Variants in EIF2AK2 observed in about 807,000 individuals in gnomAD.
The protein encoded by EIF2AK2 is interferon-induced, double-stranded RNA-activated protein kinase.
A neutral mutation model predicts 70.5 loss-of-function variants in EIF2AK2; 40 were observed. The observed-to-expected ratio is 0.57, with a 90% CI of 0.44 to 0.74. EIF2AK2 has a LOEUF of 0.74. EIF2AK2 is among the 30% of genes least tolerant of loss of function. The probability of loss-of-function intolerance (pLI) is 0.00; values close to 1 mark genes in which losing one functional copy is unlikely to be tolerated. For missense variants in EIF2AK2, 555 were observed against 644.3 expected (o/e 0.86, Z 1.50); for synonymous variants, 198 against 220.9 (o/e 0.90, Z 0.92).
intron 8 of EIF2AK2, among the ~76,000 whole-genome samples, chr2:37,137,444 T>C (rs924850523): frequency 2.0e-5 from 3 of 152,186 alleles, no homozygotes; most frequent in African/African-American, 7.2e-5. Flanking sequence ...CATTGCCTGC[T>C]TATGTGCACA....
chr2:37,133,815 T>C (rs1388438932), intron 10 of EIF2AK2, among the ~76,000 whole-genome samples: 1 of 152,214 alleles, frequency 6.6e-6, no homozygotes, highest in Non-Finnish European at 1.5e-5. Context: ...TCATTATACA[T>C]CCTGATCAGC....
intron 13 of EIF2AK2, among the ~76,000 whole-genome samples, chr2:37,117,171 C>G (rs1049524851): frequency 2.7e-5 from 4 of 150,202 alleles, no homozygotes; most frequent in Admixed American, 6.6e-5. Flanking sequence ...CGAGATCACT[C>G]CACTGCACTC....
intron 15 of EIF2AK2, among the ~76,000 whole-genome samples, chr2:37,108,245 G>A (rs143083806): frequency 6.6e-6 from 1 of 151,266 alleles, no homozygotes; most frequent in African/African-American, 2.4e-5. Context: ...CCTCAAGTTA[G>A]CCCAACCTAT....
chr2:37,113,281 A>G (rs1324764732), intron 14 of EIF2AK2, among the ~76,000 whole-genome samples: 1 of 152,092 alleles, frequency 6.6e-6, no homozygotes, highest in Admixed American at 6.6e-5. Flanking sequence ...GGATTACCTG[A>G]GGTCAGGAGT....
intron 3 of EIF2AK2, among the ~76,000 whole-genome samples, 169 bp downstream of exon 3, chr2:37,147,519 G>T (rs1239932248): frequency 7.4e-6 from 1 of 135,608 alleles, no homozygotes; most frequent in Non-Finnish European, 1.5e-5. Context: ...GTGTCCATGT[G>T]TTCTCATTGC....
At chr2:37,128,525 A>G (rs1674824035) in intron 10 of EIF2AK2, among the ~76,000 whole-genome samples, 1 of 152,230 alleles carries the variant, frequency 6.6e-6, no homozygotes, top group South Asian at 2.1e-4. Flanking sequence ...TCCAAGAGAC[A>G]TGATCAATCG....
chr2:37,120,946 AG>A (rs1674523153), intron 12 of EIF2AK2, among the ~76,000 whole-genome samples: 1 of 142,374 alleles, frequency 7.0e-6, no homozygotes, highest in Non-Finnish European at 1.5e-5. Context: ...CATGAGCGAT[AG>A]AGTAAGACTC....
chr2:37,115,232 T>TG (rs1413015638), intron 13 of EIF2AK2: 2 of 201,840 alleles, frequency 9.9e-6, no homozygotes, highest in African/African-American at 2.8e-5. Context: ...TTTTTTTTTT[T>TG]TTTTTTTTTT....
intron 13 of EIF2AK2, among the ~76,000 whole-genome samples, chr2:37,117,112 C>A (rs1198937304): frequency 6.6e-6 from 1 of 151,150 alleles, no homozygotes; most frequent in African/African-American, 2.4e-5. Context: ...ACTCGAGAGG[C>A]TGACGCAGGA....
At position 37,100,706 on chromosome 2, in the gene EIF2AK2, A is replaced by G. The variant is rs1271475726; in HGVS notation, c.*6567T>C. ...TAACATTTCAGTGGAGACCTTTCCT[A>G]TCTTGTATTTCCTACAGTCTCCTCC... On this transcript the variant is annotated 3_prime_UTR_variant, in exon 17 of 17. Transcript: ENST00000233057. The G allele has an allele frequency of 1.3e-5, 2 of 152,160 alleles. No individual in the cohort carries two copies. Among genetic ancestry groups the G allele is most frequent in the Non-Finnish European group, 2.9e-5 (2 of 68,030 alleles). The allele number at this position is 152,160 out of a possible 1,614,324, so 9.4% of individuals were successfully genotyped here.
At chr2:37,109,967 T>C (rs1328186546) in intron 14 of EIF2AK2, among the ~76,000 whole-genome samples, 1 of 152,190 alleles carries the variant, frequency 6.6e-6, no homozygotes, top group East Asian at 1.9e-4. Flanking sequence ...ATGTTCTATA[T>C]CTTTATAGTC....
At chr2:37,122,457 A>C in intron 12 of EIF2AK2, 49 bp downstream of exon 12, 1 of 1,590,730 alleles carries the variant, frequency 6.3e-7, no homozygotes, top group Non-Finnish European at 8.6e-7. Context: ...ATAGTAAATA[A>C]CAATTTCCTT....
intron 10 of EIF2AK2, among the ~76,000 whole-genome samples, chr2:37,126,672 T>A (rs1025101146): frequency 1.1e-4 from 17 of 151,962 alleles, no homozygotes; most frequent in Non-Finnish European, 2.4e-4. Context: ...AAAGTCATGA[T>A]AAGTCCAGGT....
At chr2:37,142,423 A>G (rs1024294941) in intron 4 of EIF2AK2, among the ~76,000 whole-genome samples, 3 of 151,982 alleles carry the variant, frequency 2.0e-5, no homozygotes, top group Admixed American at 2.0e-4. Context: ...GTGAGCCACC[A>G]CACCCGGCTG....
At chr2:37,137,229 T>A (rs1013274444) in intron 8 of EIF2AK2, among the ~76,000 whole-genome samples, 1 of 152,202 alleles carries the variant, frequency 6.6e-6, no homozygotes, top group African/African-American at 2.4e-5. Flanking sequence ...TCTAATTGTT[T>A]TGATTTAAAT....
rs1230382118 is a variant in EIF2AK2, at chr2:37,122,639, A to G, written c.934T>C (p.Leu312=). 14 of 1,614,184 alleles carry G rather than the reference A, an allele frequency of 8.7e-6. No individual in the cohort carries two copies. The highest frequency in any genetic ancestry group is 1.2e-5 in the Non-Finnish European group (14 of 1,180,030). The change falls in exon 12 of 17, where the codon TTG becomes CTG. Residue 312 remains leucine, a synonymous_variant. Coordinates refer to ENST00000233057, the MANE Select transcript of EIF2AK2 (RefSeq NM_001135651.3). ...NEKAEREVKA[L]AKLDHVNIVH... ...ATATTTACATGATCAAGTTTTGCCA[A>G]TGCTTTTACTTCACGCTCCGCCTTC...
intron 10 of EIF2AK2, among the ~76,000 whole-genome samples, chr2:37,128,693 T>C (rs1377212398): frequency 2.0e-5 from 3 of 152,214 alleles, no homozygotes; most frequent in South Asian, 2.1e-4. Flanking sequence ...ATTACCATCT[T>C]GGACAAGCAC....
chr2:37,110,454 A>G (rs1674107217), intron 14 of EIF2AK2, among the ~76,000 whole-genome samples: 1 of 152,150 alleles, frequency 6.6e-6, no homozygotes. Flanking sequence ...AGTAAAGTAC[A>G]ATGATGAATG....
At position 37,148,963 on chromosome 2, in the gene EIF2AK2, A is replaced by G. The variant is rs1675651932; in HGVS notation, c.-123T>C. Reference sequence around the variant, plus strand: ...ACCTGAGTCAGATGGAAGAACTGCTAAAGTTTTGAGGTCATTACAATTTAC... The same window carrying G: ...ACCTGAGTCAGATGGAAGAACTGCTGAAGTTTTGAGGTCATTACAATTTAC... On this transcript the variant is annotated 5_prime_UTR_variant, in exon 2 of 17. An upstream open reading frame in the 5' UTR loses its in-frame stop. Transcript: ENST00000233057. 1 of 831,270 alleles carries G rather than the reference A, an allele frequency of 1.2e-6. No individual in the cohort carries two copies. The highest frequency in any genetic ancestry group is 2.2e-6 in the Non-Finnish European group (1 of 464,356). 51.5% of individuals were successfully genotyped at this position (831,270 alleles called of 1,614,324 possible). A position where few individuals can be genotyped will look rare whatever the true frequency, so the allele number is the denominator to read the frequency against.
Sources: gnomAD v4.1 joint callset for allele counts (sites outside exome capture counted in the v4.1 genomes callset) on GRCh38, gnomAD v4.1.1 for gene constraint, MANE v1.5 for transcripts, NCBI Gene and HGNC (gene_info 2026-07-23, HGNC 2026-07-21) for gene names.